ZCCHC7: variants seen among roughly 807,000 people sequenced by gnomAD.
ZCCHC7 encodes zinc finger CCHC domain-containing protein 7.
Under a neutral mutation model 52.0 loss-of-function variants are expected in ZCCHC7, and 35 were observed. The ratio of observed to expected loss-of-function variants is 0.67; its 90% CI spans 0.51 to 0.89. The LOEUF is 0.89. ZCCHC7 is among the 40% of genes least tolerant of loss of function. ZCCHC7 has a pLI of 0.00. For missense variants in ZCCHC7, 574 were observed against 649.1 expected, an observed-to-expected ratio of 0.88 and a Z score of 1.26; for synonymous variants, 217 against 221.5, an observed-to-expected ratio of 0.98 and a Z score of 0.18.
At chr9:37,336,722 G>A (rs1830681653) in intron 6 of ZCCHC7, among the ~76,000 whole-genome samples, 1 of 149,582 alleles carries the variant, frequency 6.7e-6, no homozygotes, top group Admixed American at 6.6e-5. Context: ...ATATTAGTGT[G>A]ATTTCTGTGT....
chr9:37,195,682 T>G (rs554982675), intron 2 of ZCCHC7, among the ~76,000 whole-genome samples: 4 of 152,148 alleles, frequency 2.6e-5, no homozygotes, highest in Non-Finnish European at 5.9e-5. Context: ...TTGAGCAAAT[T>G]GTTTTGGGAG....
At chr9:37,283,266 C>T (rs1471277332) in intron 2 of ZCCHC7, among the ~76,000 whole-genome samples, 1 of 152,002 alleles carries the variant, frequency 6.6e-6, no homozygotes, top group African/African-American at 2.4e-5. Context: ...TCCAGCACAT[C>T]CTAAAATTTA....
chr9:37,241,200 A>T (rs975442172), intron 2 of ZCCHC7, among the ~76,000 whole-genome samples: 1 of 151,802 alleles, frequency 6.6e-6, no homozygotes, highest in African/African-American at 2.4e-5. Context: ...AGCTATTTAG[A>T]TAAGTCCCAG....
At chr9:37,226,919 A>G (rs1227167310) in intron 2 of ZCCHC7, among the ~76,000 whole-genome samples, 2 of 151,262 alleles carry the variant, frequency 1.3e-5, no homozygotes, top group Non-Finnish European at 2.9e-5. Context: ...AGTCCCAGCT[A>G]CTCATGAGGC....
chr9:37,143,320 A>G lies in ZCCHC7; in HGVS notation c.610+16378A>G, dbSNP rs149698348. Among the ~76,000 whole-genome samples, 598 of 151,974 alleles carry G rather than the reference A, an allele frequency of 3.9e-3. 4 individuals carry two copies. The highest frequency in any genetic ancestry group is 9.7e-3 in the South Asian group (47 of 4,826). ...TGATTTTTTTAGGCCAAAAAATGCT[A>G]TGAAGGTAAGCCAATGATGGTAAAA... On this transcript the variant is annotated intron_variant, in intron 2 of 8. Coordinates refer to ENST00000336755, the MANE Select transcript of ZCCHC7 (RefSeq NM_032226.3).
At chr9:37,180,892 T>C (rs2133046402) in intron 2 of ZCCHC7, among the ~76,000 whole-genome samples, 1 of 152,274 alleles carries the variant, frequency 6.6e-6, no homozygotes, top group Middle Eastern at 3.4e-3. Flanking sequence ...GTAGATTTGG[T>C]CATTTCGGAT....
intron 2 of ZCCHC7, among the ~76,000 whole-genome samples, chr9:37,182,275 G>A (rs1344672283): frequency 2.6e-5 from 4 of 151,704 alleles, no homozygotes; most frequent in Admixed American, 2.6e-4. Flanking sequence ...GATAATACAG[G>A]CACATTTATC....
intron 2 of ZCCHC7, among the ~76,000 whole-genome samples, chr9:37,281,539 A>G (rs1158540743): frequency 6.6e-6 from 1 of 152,256 alleles, no homozygotes; most frequent in African/African-American, 2.4e-5. Flanking sequence ...ACAGATTCTC[A>G]GAAAATAAAC....
Position 37,294,081 on chromosome 9 carries a change from T to G in ZCCHC7, c.611-8107T>G, listed in dbSNP as rs112233231. ...ATTGCCACTTATACAGTGAAAAATT[T>G]TAATGACTAAAACAGTTTTGTGACC... On this transcript the variant is annotated intron_variant, in intron 2 of 8. Transcript: ENST00000336755. Among the ~76,000 whole-genome samples the G allele has an allele frequency of 4.6e-5, 7 of 152,304 alleles. 1 individual carries two copies. The highest frequency in any genetic ancestry group is 1.7e-4 in the African/African-American group (7 of 41,576).
In ZCCHC7 at chr9:37,144,442, C is replaced by T. The variant is rs145527865; in HGVS notation, c.610+17500C>T. 3.6e-3 allele frequency among the ~76,000 whole-genome samples: 542 copies of T among 152,000 alleles called. 2 individuals are homozygous for T. The highest frequency in any genetic ancestry group is 8.6e-3 in the Admixed American group (131 of 15,234). ...TGTGGGTTCATGTCACAAAAGCTTG[C>T]AAAACTTCACAAAATAATTTAATGT... On this transcript the variant is annotated intron_variant, in intron 2 of 8. Transcript: ENST00000336755.
chr9:37,138,522 G>T (rs549655902), intron 2 of ZCCHC7, among the ~76,000 whole-genome samples: 2 of 152,094 alleles, frequency 1.3e-5, no homozygotes, highest in Non-Finnish European at 2.9e-5. Flanking sequence ...CCCAGGGAGA[G>T]AATTAAATTT....
At chr9:37,283,756 CAGAA>C (rs888677084) in intron 2 of ZCCHC7, among the ~76,000 whole-genome samples, 1 of 152,058 alleles carries the variant, frequency 6.6e-6, no homozygotes, top group Non-Finnish European at 1.5e-5. Flanking sequence ...TTTATTAAAA[CAGAA>C]AGGACAGTTG....
chr9:37,133,846 C>T lies in ZCCHC7; in HGVS notation c.610+6904C>T, dbSNP rs1268203018. Reference sequence around the variant, plus strand: ...TCAGGTGATCTGCCCACCTTGGCCTCCCAAAGTGCCAGAATTATAGGCGTG... The same window carrying T: ...TCAGGTGATCTGCCCACCTTGGCCTTCCAAAGTGCCAGAATTATAGGCGTG... On this transcript the variant is annotated intron_variant, in intron 2 of 8. Coordinates refer to ENST00000336755, the MANE Select transcript of ZCCHC7 (RefSeq NM_032226.3). Among the ~76,000 whole-genome samples, 3 of 152,298 alleles carry T rather than the reference C, an allele frequency of 2.0e-5. No homozygotes were observed. The East Asian group carries it at 5.8e-4, about 29-fold the overall frequency.
chr9:37,349,561 TTAAAG>T, intron 7 of ZCCHC7, 109 bp downstream of exon 7: 2 of 1,042,200 alleles, frequency 1.9e-6, no homozygotes, highest in Non-Finnish European at 1.4e-6. Flanking sequence ...TTAATAAACA[TTAAAG>T]TAAGACTTAA....
At chr9:37,124,899 T>C (rs1842477467) in intron 1 of ZCCHC7, among the ~76,000 whole-genome samples, 1 of 152,188 alleles carries the variant, frequency 6.6e-6, no homozygotes, top group Admixed American at 6.5e-5. Flanking sequence ...TTGCCCAGGG[T>C]GAAGTGCAGT....
At chr9:37,214,465 T>C (rs1468511207) in intron 2 of ZCCHC7, among the ~76,000 whole-genome samples, 1 of 152,034 alleles carries the variant, frequency 6.6e-6, no homozygotes, top group African/African-American at 2.4e-5. Flanking sequence ...TATGTTGTGT[T>C]TTTTAGAAGT....
chr9:37,192,975 T>A, intron 2 of ZCCHC7, among the ~76,000 whole-genome samples: 1 of 152,214 alleles, frequency 6.6e-6, no homozygotes, highest in East Asian at 1.9e-4. Context: ...AAAGAATTAA[T>A]CCATTTAGTC....
At chr9:37,124,623 A>G (rs1842463708) in intron 1 of ZCCHC7, among the ~76,000 whole-genome samples, 1 of 152,148 alleles carries the variant, frequency 6.6e-6, no homozygotes, top group African/African-American at 2.4e-5. Context: ...TGACATGTAA[A>G]GTACTTATGG....
At chr9:37,206,903 A>T (rs1192455738) in intron 2 of ZCCHC7, among the ~76,000 whole-genome samples, 1 of 151,384 alleles carries the variant, frequency 6.6e-6, no homozygotes, top group African/African-American at 2.4e-5. Flanking sequence ...AGGCAGGGGG[A>T]TCTCTTGAGG....
Sources: allele counts gnomAD v4.1 joint callset (sites outside exome capture counted in the v4.1 genomes callset), GRCh38; gene constraint gnomAD v4.1.1; transcripts MANE v1.5; gene names NCBI Gene and HGNC (gene_info 2026-07-23, HGNC 2026-07-21).